ATP9B: variants seen among roughly 807,000 people sequenced by gnomAD.
ATP9B encodes the protein probable phospholipid-transporting ATPase IIB.
Under a neutral mutation model 146.1 loss-of-function variants are expected in ATP9B, and 110 were observed. The observed-to-expected ratio is 0.75, with a 90% CI of 0.65 to 0.88. The LOEUF (loss-of-function observed/expected upper bound fraction) is 0.88. Ranked by LOEUF, ATP9B falls within the 40% of genes least tolerant of loss-of-function variation. The pLI is 0.00. For synonymous variants in ATP9B, 604 were observed against 569.7 expected, an observed-to-expected ratio of 1.06 and a Z score of -0.86; for missense variants, 1,499 against 1,496.4, an observed-to-expected ratio of 1.00 and a Z score of -0.03.
intron 26 of ATP9B, among the ~76,000 whole-genome samples, chr18:79,367,307 C>T (rs2147938746): frequency 7.2e-6 from 1 of 138,156 alleles, no homozygotes; most frequent in Non-Finnish European, 1.6e-5. Context: ...CATATCTTCA[C>T]CTCCACCGTG....
intron 3 of ATP9B, among the ~76,000 whole-genome samples, chr18:79,111,939 C>T (rs512557): frequency 0.13 from 20,074 of 152,044 alleles, 1,927 homozygotes; most frequent in African/African-American, 0.27. Context: ...TTCTAAGTTG[C>T]TAATAGATAT....
chr18:79,103,260 A>G (rs903580228), intron 2 of ATP9B, among the ~76,000 whole-genome samples: 10 of 144,418 alleles, frequency 6.9e-5, no homozygotes, highest in African/African-American at 2.7e-4. Flanking sequence ...CCAAATAACT[A>G]TTTGTAGTTT....
At chr18:79,287,120 A>C (rs2096452519) in intron 13 of ATP9B, among the ~76,000 whole-genome samples, 1 of 152,208 alleles carries the variant, frequency 6.6e-6, no homozygotes, top group African/African-American at 2.4e-5. Flanking sequence ...TATCAGGATG[A>C]TGCTGGCCTC....
chr18:79,253,554 A>G lies in ATP9B; in HGVS notation c.1268+13A>G. 1 of 1,565,404 alleles carries G rather than the reference A, an allele frequency of 6.4e-7. No individual in the cohort carries two copies. The highest frequency in any genetic ancestry group is 8.6e-7 in the Non-Finnish European group (1 of 1,162,364). ...TCATTCCCATAAGGTAAGTTTAAAAATGAAAATAAAACAAATGTCTGGTTT... is the reference window on the plus strand; with the variant it reads ...TCATTCCCATAAGGTAAGTTTAAAAGTGAAAATAAAACAAATGTCTGGTTT... On this transcript the variant is annotated intron_variant, in intron 12 of 29. Transcript: ENST00000426216.
intron 8 of ATP9B, among the ~76,000 whole-genome samples, chr18:79,179,072 T>A (rs1038547941): frequency 6.6e-6 from 1 of 152,202 alleles, no homozygotes; most frequent in African/African-American, 2.4e-5. Context: ...CATTGGAAAT[T>A]TGTGTTTTTC....
chr18:79,199,615 T>C (rs2095447546), intron 9 of ATP9B, among the ~76,000 whole-genome samples: 1 of 150,846 alleles, frequency 6.6e-6, no homozygotes, highest in South Asian at 2.1e-4. Flanking sequence ...ATACAAAAAT[T>C]AGCTGGGCGT....
chr18:79,239,081 C>A lies in ATP9B; in HGVS notation c.1108-14300C>A, dbSNP rs560130473. Among the ~76,000 whole-genome samples, 45 of 152,272 alleles carry A rather than the reference C, an allele frequency of 3.0e-4. No homozygotes were observed. Among genetic ancestry groups the A allele is most frequent in the African/African-American group, 9.1e-4 (38 of 41,576 alleles). On this transcript the variant is annotated intron_variant, in intron 11 of 29. Transcript: ENST00000426216. The surrounding 1 kb of genome is among the most constrained non-coding windows in gnomAD (Gnocchi z 5.1). ...AGAGCCTCCAGCCACTGAGCCCCAA[C>A]CCCCAGTCATCAAAACAACGGGGTC...
chr18:79,221,872 A>ATTTT (rs11296944), intron 11 of ATP9B, among the ~76,000 whole-genome samples: 5 of 105,838 alleles, frequency 4.7e-5, no homozygotes, highest in East Asian at 2.6e-4. Flanking sequence ...TCTTTGGCCA[A>ATTTT]TTTTTTTTTT....
At chr18:79,204,340 T>C (rs2095515620) in intron 9 of ATP9B, among the ~76,000 whole-genome samples, 1 of 152,176 alleles carries the variant, frequency 6.6e-6, no homozygotes, top group African/African-American at 2.4e-5. Flanking sequence ...TTACCATTAG[T>C]ATGAAACTAT....
chr18:79,376,995 C>T (rs757280452), intron 29 of ATP9B, among the ~76,000 whole-genome samples: 17 of 152,206 alleles, frequency 1.1e-4, no homozygotes, highest in Non-Finnish European at 1.0e-4. Context: ...CCACTGCGCC[C>T]GGCCTGCAAT....
intron 11 of ATP9B, among the ~76,000 whole-genome samples, chr18:79,235,410 C>G (rs1415580358): frequency 6.6e-6 from 1 of 151,946 alleles, no homozygotes; most frequent in Non-Finnish European, 1.5e-5. Flanking sequence ...TACATAATAA[C>G]AATTATAATA....
At chr18:79,269,488 A>G (rs1481189669) in intron 12 of ATP9B, among the ~76,000 whole-genome samples, 4 of 152,212 alleles carry the variant, frequency 2.6e-5, no homozygotes, top group Non-Finnish European at 5.9e-5. Flanking sequence ...ATTCCACACA[A>G]ACATTTAAAA....
intron 15 of ATP9B, among the ~76,000 whole-genome samples, chr18:79,315,808 A>C (rs2096676403): frequency 6.6e-6 from 1 of 152,228 alleles, no homozygotes; most frequent in South Asian, 2.1e-4. Flanking sequence ...CGCCTGTGGC[A>C]GAGATTACTT....
At chr18:79,230,101 T>A (rs2095776625) in intron 11 of ATP9B, among the ~76,000 whole-genome samples, 1 of 152,192 alleles carries the variant, frequency 6.6e-6, no homozygotes, top group South Asian at 2.1e-4. Context: ...ATTTTCCCCC[T>A]TAAAATGATA....
At chr18:79,257,770 T>C (rs2096097435) in intron 12 of ATP9B, among the ~76,000 whole-genome samples, 1 of 152,216 alleles carries the variant, frequency 6.6e-6, no homozygotes, top group Non-Finnish European at 1.5e-5. Context: ...AGGAATTCCT[T>C]TTTCTTCTTT....
At position 79,154,553 on chromosome 18, in the gene ATP9B, C is replaced by A; in HGVS notation, c.776C>A (p.Ala259Glu). The A allele has an allele frequency of 6.6e-7, 1 of 1,521,228 alleles. No homozygotes were observed. The highest frequency in any genetic ancestry group is 2.4e-5 in the Admixed American group (1 of 41,942). The allele number at this position is 1,521,228 out of a possible 1,614,324, so 94.2% of individuals were successfully genotyped here. A position where few individuals can be genotyped will look rare whatever the true frequency, so the allele number is the denominator to read the frequency against. Residue 259 changes from alanine (A) to glutamate (E), a missense_variant and splice_region_variant, in exon 7 of 30, where the codon GCA becomes GAA. Physicochemically the swap from Ala to Glu is moderately radical, Grantham distance 107. Coordinates refer to ENST00000426216, the MANE Select transcript of ATP9B (RefSeq NM_198531.5). ...GTGTTTCTTAGGACTTCAGAAAAAG[C>A]AGGTATTTTTACATTTAAAAAAACT... ...DMVFLRTSEK[A>E]GSCFIRTDQL...
At chr18:79,072,759 CG>C (rs1273981040) in intron 1 of ATP9B, among the ~76,000 whole-genome samples, 1 of 141,924 alleles carries the variant, frequency 7.0e-6, no homozygotes, top group Admixed American at 6.9e-5. Context: ...ACCTCCCAGA[CG>C]GGGCGGCTGG....
intron 17 of ATP9B, among the ~76,000 whole-genome samples, chr18:79,331,662 C>G (rs2096790726): frequency 6.6e-6 from 1 of 151,992 alleles, no homozygotes; most frequent in Non-Finnish European, 1.5e-5. Flanking sequence ...GTGTATTATT[C>G]TGCTTCCATC....
In ATP9B at chr18:79,378,108, C is replaced by T. The variant is rs1265709877; in HGVS notation, c.*725C>T. 4 of 152,282 alleles carry T rather than the reference C, an allele frequency of 2.6e-5. No homozygotes were observed. In the East Asian group the frequency reaches 7.7e-4, roughly 29 times the overall value. 9.4% of individuals were successfully genotyped at this position (152,282 alleles called of 1,614,324 possible). A position where few individuals can be genotyped will look rare whatever the true frequency, so the allele number is the denominator to read the frequency against. On this transcript the variant is annotated 3_prime_UTR_variant, in exon 30 of 30. Transcript: ENST00000426216. ...TTTGATGTTATAACACAAAGTCATTCCTACTCAAATGTAATAAAATTGAGG... is the reference window on the plus strand; with the variant it reads ...TTTGATGTTATAACACAAAGTCATTTCTACTCAAATGTAATAAAATTGAGG...
Sources: gnomAD v4.1 joint callset for allele counts (sites outside exome capture counted in the v4.1 genomes callset) on GRCh38, gnomAD v4.1.1 for gene constraint, Gnocchi (gnomAD v3.1) non-coding constraint, MANE v1.5 for transcripts, NCBI Gene and HGNC (gene_info 2026-07-23, HGNC 2026-07-21) for gene names.